Variants in LIPN observed in about 807,000 individuals in gnomAD.
LIPN encodes lipase family member N, also known as lipase member N.
In LIPN, 32 loss-of-function variants were observed where a neutral mutation model predicts 43.7. That is an observed-to-expected ratio of 0.73 (90% CI 0.55 to 0.98). The LOEUF is 0.98. Ranked by LOEUF, LIPN falls within the 50% of genes least tolerant of loss-of-function variation. LIPN has a pLI of 0.00. For missense variants in LIPN, 505 were observed against 483.8 expected (o/e 1.04, Z -0.41); for synonymous variants, 156 against 157.6 (o/e 0.99, Z 0.08).
chr10:88,764,169 T>A (rs930103631), intron 3 of LIPN, among the ~76,000 whole-genome samples: 6 of 152,008 alleles, frequency 3.9e-5, no homozygotes, highest in Admixed American at 3.9e-4. Flanking sequence ...AGCTAATACA[T>A]ATAAATACGT....
chr10:88,764,559 A>G lies in LIPN; in HGVS notation c.376A>G (p.Arg126Gly), dbSNP rs1843059047. The change falls in exon 4 of 10, where the codon AGA (arginine) becomes GGA (glycine). Residue 126 changes from arginine to glycine, a missense_variant. By Grantham distance (125) the Arg-to-Gly change is moderately radical (BLOSUM62 -2). Coordinates refer to ENST00000404459, the MANE Select transcript of LIPN (RefSeq NM_001102469.2). ...MGNSRGNTWSRRHKTLSETDE... is the reference protein window; with the variant it reads ...MGNSRGNTWSGRHKTLSETDE... ...AAACAGTCGGGGAAACACTTGGTCA[A>G]GAAGACACAAAACACTCTCAGAGAC... 2 of 1,611,918 alleles carry G rather than the reference A, an allele frequency of 1.2e-6. No individual in the cohort carries two copies. Among genetic ancestry groups the G allele is most frequent in the Non-Finnish European group, 1.7e-6 (2 of 1,178,754 alleles).
Position 88,761,461 on chromosome 10 carries a change from G to C in LIPN, c.56G>C (p.Gly19Ala). 6.2e-7 allele frequency: 1 copy of C among 1,612,390 alleles called. No homozygotes were observed. Among genetic ancestry groups the C allele is most frequent in the Non-Finnish European group, 8.5e-7 (1 of 1,178,994 alleles). The change falls in exon 2 of 10, where the codon GGT (glycine) becomes GCT (alanine). Residue 19 changes from glycine to alanine, a missense_variant. Coordinates refer to ENST00000404459, the MANE Select transcript of LIPN (RefSeq NM_001102469.2). ...TTGATCTGTGGAACTTTAAATGCTG[G>C]TGGATTCCTTGATTTGGAAAATGAA... is the stretch of plus-strand genomic sequence containing the variant. ...TCLICGTLNA[G>A]GFLDLENEVN... is the part of the protein sequence containing the mutation.
upstream of LIPN, among the ~76,000 whole-genome samples, chr10:88,757,409 T>C (rs1164668641): frequency 6.6e-6 from 1 of 152,158 alleles, no homozygotes; most frequent in Non-Finnish European, 1.5e-5. Context: ...GCCGGCACTC[T>C]TGGTAATAAT....
chr10:88,776,412 C>T (rs116581157), intron 9 of LIPN, among the ~76,000 whole-genome samples: 3,803 of 152,088 alleles, frequency 0.025, 82 homozygotes, highest in African/African-American at 0.065. Context: ...AAAATCAACA[C>T]GCACATTCAA....
intron 8 of LIPN, 50 bp from the exon 9 acceptor site, chr10:88,775,042 T>C (rs1468776395): frequency 1.5e-6 from 2 of 1,296,518 alleles, no homozygotes; most frequent in Admixed American, 2.1e-5. Flanking sequence ...GCTGTTAGCT[T>C]TCATGATTCT....
At position 88,778,344 on chromosome 10, in the gene LIPN, G is replaced by A. The variant is rs1293730878; in HGVS notation, c.*102G>A. On this transcript the variant is annotated 3_prime_UTR_variant, in exon 10 of 10. Transcript: ENST00000404459. ...TGAGGTTGTCCCCCAGCACCCTGGG[G>A]GAGATGCACAGTGGAGTCTGTTTTC... is the stretch of plus-strand genomic sequence containing the variant. 6 of 758,332 alleles carry A rather than the reference G, an allele frequency of 7.9e-6. No homozygotes were observed. Among genetic ancestry groups the A allele is most frequent in the Admixed American group, 4.8e-5 (2 of 41,248 alleles). The allele number at this position is 758,332 out of a possible 1,614,324, so 47.0% of individuals were successfully genotyped here. A position where few individuals can be genotyped will look rare whatever the true frequency, so the allele number is the denominator to read the frequency against.
At chr10:88,765,453 T>C (rs186785361) in intron 4 of LIPN, among the ~76,000 whole-genome samples, 1 of 152,054 alleles carries the variant, frequency 6.6e-6, no homozygotes, top group Admixed American at 6.6e-5. Context: ...TCAGGAAATA[T>C]TGAATCATTA....
rs1842992864 is a variant in LIPN, at chr10:88,761,352, A to T, written c.-8-46A>T. 1.0e-5 allele frequency: 11 copies of T among 1,090,404 alleles called. No individual in the cohort carries two copies. The Admixed American group carries it at 1.9e-4, about 19-fold the overall frequency. The allele number at this position is 1,090,404 out of a possible 1,614,324, so 67.5% of individuals were successfully genotyped here. ...TAATCATTTTATTTCATTAATCAACATTGATAGTTAAAATTAATCTGTGAA... is the reference window on the plus strand; with the variant it reads ...TAATCATTTTATTTCATTAATCAACTTTGATAGTTAAAATTAATCTGTGAA... On this transcript the variant is annotated intron_variant, in intron 1 of 9. Transcript: ENST00000404459.
intron 7 of LIPN, among the ~76,000 whole-genome samples, chr10:88,772,978 AAC>A (rs1284390386): frequency 6.6e-6 from 1 of 152,070 alleles, no homozygotes; most frequent in East Asian, 1.9e-4. Flanking sequence ...AAAACTATAA[AAC>A]ACTGATGAAA....
At chr10:88,765,758 G>C (rs543211678) in intron 4 of LIPN, among the ~76,000 whole-genome samples, 2 of 142,956 alleles carry the variant, frequency 1.4e-5, no homozygotes, top group African/African-American at 2.5e-5. Flanking sequence ...ATTAAACCCC[G>C]TTAGCAGCCC....
chr10:88,773,722 T>C (rs901612686), intron 7 of LIPN, among the ~76,000 whole-genome samples: 2 of 151,952 alleles, frequency 1.3e-5, no homozygotes, highest in Non-Finnish European at 2.9e-5. Flanking sequence ...GTACCCCTAT[T>C]CTCTAAGAAG....
rs1287097712 is a variant in LIPN at position 88,761,771 on chromosome 10, C to CTATG, written c.108+261_108+262insGTAT. Among the ~76,000 whole-genome samples the CTATG allele has an allele frequency of 5.3e-3, 413 of 77,962 alleles. 2 individuals are homozygous for CTATG. Among genetic ancestry groups the CTATG allele is most frequent in the Middle Eastern group, 0.019 (3 of 156 alleles). 51.1% of individuals were successfully genotyped at this position (77,962 alleles called of 152,430 possible). On this transcript the variant is annotated intron_variant, in intron 2 of 9. Transcript: ENST00000404459. ...TCTATCTATCTATCTATGTATCTAT[C>CTATG]TATCTATTTATCTATCTATCTATCT...
intron 7 of LIPN, among the ~76,000 whole-genome samples, chr10:88,773,502 A>T (rs1279382929): frequency 6.6e-6 from 1 of 151,882 alleles, no homozygotes; most frequent in African/African-American, 2.4e-5. Context: ...ATAACAGGAC[A>T]GGGTGGAAGG....
Position 88,767,677 on chromosome 10 carries a change from A to C in LIPN, c.536-1115A>C, listed in dbSNP as rs867287101. Among the ~76,000 whole-genome samples the C allele has an allele frequency of 6.5e-3, 689 of 106,266 alleles. 14 individuals carry two copies. Among genetic ancestry groups the C allele is most frequent in the African/African-American group, 0.024 (627 of 26,442 alleles). The allele number at this position is 106,266 out of a possible 152,430, so 69.7% of individuals were successfully genotyped here. A position where few individuals can be genotyped will look rare whatever the true frequency, so the allele number is the denominator to read the frequency against. ...AAAAAAAAAAAAAAAAAAAAAAAAA[A>C]AAAAAAAAAAAAAAACCATGGAGAA... On this transcript the variant is annotated intron_variant, in intron 5 of 9. Transcript: ENST00000404459.
Position 88,768,889 on chromosome 10 carries a change from T to G in LIPN, c.633T>G (p.Ile211Met), listed in dbSNP as rs199810129. The G allele has an allele frequency of 3.4e-5, 54 of 1,611,252 alleles. No individual in the cohort carries two copies. The highest frequency in any genetic ancestry group is 4.0e-5 in the African/African-American group (3 of 74,710). The change falls in exon 6 of 10, where the codon ATT (isoleucine) becomes ATG (methionine). Residue 211 changes from isoleucine to methionine, a missense_variant. By Grantham distance (10) the Ile-to-Met change is conservative (BLOSUM62 1). Transcript: ENST00000404459. The stretch of plus-strand genomic sequence containing the variant: ...TCTCATTCAAATATCCCACGGGCAT[T>G]TTTACCAGGTTTTTTCTACTTCCAA... ...PTISFKYPTG[I>M]FTRFFLLPNS...
In LIPN at chr10:88,774,434, G is replaced by T. The variant is rs1484457020; in HGVS notation, c.820-39G>T. On this transcript the variant is annotated intron_variant, in intron 7 of 9. Coordinates refer to ENST00000404459, the MANE Select transcript of LIPN (RefSeq NM_001102469.2). ...CTCTGATTCTGAAAGGCAAAATTTT[G>T]TTGGGCAATTGCTGTAATATGAGTT... The T allele has an allele frequency of 7.5e-6, 11 of 1,457,932 alleles. No homozygotes were observed. The African/African-American group carries it at 1.1e-4, about 15-fold the overall frequency. 90.3% of individuals were successfully genotyped at this position (1,457,932 alleles called of 1,614,324 possible).
At position 88,771,692 on chromosome 10, in the gene LIPN, T is replaced by C. The variant is rs1843211853; in HGVS notation, c.819+701T>C. 2.0e-5 allele frequency among the ~76,000 whole-genome samples: 3 copies of C among 151,880 alleles called. 1 individual carries two copies. The East Asian group carries it at 5.8e-4, about 29-fold the overall frequency. Reference sequence around the variant, plus strand: ...GATTTCATATCTTGGTCATTGTGAATAGTGCTGTACTAAACATGGGGGTGC... The same window carrying C: ...GATTTCATATCTTGGTCATTGTGAACAGTGCTGTACTAAACATGGGGGTGC... On this transcript the variant is annotated intron_variant, in intron 7 of 9. Coordinates refer to ENST00000404459, the MANE Select transcript of LIPN (RefSeq NM_001102469.2).
At chr10:88,774,196 G>A (rs897955631) in intron 7 of LIPN, among the ~76,000 whole-genome samples, 2 of 152,000 alleles carry the variant, frequency 1.3e-5, no homozygotes, top group Non-Finnish European at 2.9e-5. Context: ...TTTGCTCCAT[G>A]ATGACCATTA....
At chr10:88,771,094 C>T in intron 7 of LIPN, 103 bp downstream of exon 7, 1 of 1,010,126 alleles carries the variant, frequency 9.9e-7, no homozygotes, top group Admixed American at 3.0e-5. Context: ...ATATGGTATT[C>T]CAAACCCTTA....
Sources: gnomAD v4.1 joint callset for allele counts (sites outside exome capture counted in the v4.1 genomes callset) on GRCh38, gnomAD v4.1.1 for gene constraint, MANE v1.5 for transcripts, NCBI Gene and HGNC (gene_info 2026-07-23, HGNC 2026-07-21) for gene names.